Variants in MYLK observed in about 807,000 individuals in gnomAD.
MYLK encodes myosin light chain kinase, smooth muscle.
A neutral mutation model predicts 203.4 loss-of-function variants in MYLK; 106 were observed. That is an observed-to-expected ratio of 0.52 (90% confidence interval 0.45 to 0.61). The LOEUF is 0.61. MYLK is among the 20% of genes least tolerant of loss of function. MYLK has a pLI of 0.00. For synonymous variants in MYLK, 867 were observed against 959.5 expected, an observed-to-expected ratio of 0.90 and a Z score of 1.78; for missense variants, 2,072 against 2,442.3, an observed-to-expected ratio of 0.85 and a Z score of 3.20.
At chr3:123,675,355 A>C (rs2060039769) in intron 20 of MYLK, among the ~76,000 whole-genome samples, 1 of 152,232 alleles carries the variant, frequency 6.6e-6, no homozygotes, top group Non-Finnish European at 1.5e-5. Flanking sequence ...CAGCTGACCC[A>C]AGCCCTAACC....
intron 5 of MYLK, among the ~76,000 whole-genome samples, chr3:123,743,993 G>C (rs2062939035): frequency 6.6e-6 from 1 of 152,206 alleles, no homozygotes; most frequent in South Asian, 2.1e-4. Flanking sequence ...CACCCTACTT[G>C]TAGCCAACTT....
intron 11 of MYLK, among the ~76,000 whole-genome samples, chr3:123,727,511 G>A (rs185703060): frequency 3.2e-4 from 49 of 152,284 alleles, no homozygotes; most frequent in African/African-American, 1.0e-3. Flanking sequence ...TGATTTTCTT[G>A]TAAGATTGTT....
chr3:123,658,156 T>C (rs895094587), intron 23 of MYLK, among the ~76,000 whole-genome samples: 1 of 152,230 alleles, frequency 6.6e-6, no homozygotes, highest in Non-Finnish European at 1.5e-5. Context: ...TTTATATACT[T>C]AAAAATTACT....
At chr3:123,880,319 C>T (rs1420305226) in intron 1 of MYLK, among the ~76,000 whole-genome samples, 2 of 152,112 alleles carry the variant, frequency 1.3e-5, no homozygotes, top group African/African-American at 4.8e-5. Context: ...ATCAGAAATC[C>T]TCATCTCTGA....
At position 123,669,705 on chromosome 3, in the gene MYLK, C is replaced by G. The variant is rs57239124; in HGVS notation, c.3653-2518G>C. 0.027 allele frequency among the ~76,000 whole-genome samples: 4,081 copies of G among 151,624 alleles called. 365 individuals carry two copies. The East Asian group carries it at 0.34, about 13-fold the overall frequency. ...TATATGTGTGGAGAAGTAGAAGGAA[C>G]AGAGAAATGGAAAAAGAGAGGGAGA... On this transcript the variant is annotated intron_variant, in intron 20 of 33. Coordinates refer to ENST00000360304, the MANE Select transcript of MYLK (RefSeq NM_053025.4).
chr3:123,820,620 T>TTCCTTCCC (rs1194938214), intron 3 of MYLK, among the ~76,000 whole-genome samples: 1 of 134,862 alleles, frequency 7.4e-6, no homozygotes, highest in Non-Finnish European at 1.7e-5. Flanking sequence ...ATTTCCTTCC[T>TTCCTTCCC]TCCTTCCTTC....
At chr3:123,840,370 T>TTATATATATATATATA (rs56361020) in intron 2 of MYLK, among the ~76,000 whole-genome samples, 66 of 148,678 alleles carry the variant, frequency 4.4e-4, no homozygotes, top group African/African-American at 1.6e-3. Flanking sequence ...CCTACAGACA[T>TTATATATATATATATA]TATATATATA....
At chr3:123,853,978 G>C (rs149756567) in intron 2 of MYLK, among the ~76,000 whole-genome samples, 73 of 152,048 alleles carry the variant, frequency 4.8e-4, no homozygotes, top group African/African-American at 1.8e-3. Context: ...ACAGTTAAAT[G>C]CTTCTCTCTT....
At chr3:123,850,083 T>C (rs2030577167) in intron 2 of MYLK, among the ~76,000 whole-genome samples, 1 of 152,232 alleles carries the variant, frequency 6.6e-6, no homozygotes. Context: ...TCATCCTTTT[T>C]TATGGCTGCA....
chr3:123,696,544 C>T (rs1413661462), intron 18 of MYLK, among the ~76,000 whole-genome samples: 1 of 152,040 alleles, frequency 6.6e-6, no homozygotes, highest in Non-Finnish European at 1.5e-5. Flanking sequence ...ACCACTGAGA[C>T]CCCAGCCACT....
At chr3:123,690,773 CCCT>C (rs2060629342) in intron 19 of MYLK, among the ~76,000 whole-genome samples, 1 of 152,120 alleles carries the variant, frequency 6.6e-6, no homozygotes, top group Non-Finnish European at 1.5e-5. Flanking sequence ...CAGCTGGGCT[CCCT>C]CCTATCACTT....
Position 123,648,602 on chromosome 3 carries a change from A to G in MYLK, c.4415+369T>C, listed in dbSNP as rs2059103610. Among the ~76,000 whole-genome samples, 1 of 152,172 alleles carries G rather than the reference A, an allele frequency of 6.6e-6. No homozygotes were observed. The highest frequency in any genetic ancestry group is 1.5e-5 in the Non-Finnish European group (1 of 68,040). On this transcript the variant is annotated intron_variant, in intron 26 of 33. Coordinates refer to ENST00000360304, the MANE Select transcript of MYLK (RefSeq NM_053025.4). The surrounding 1 kb of genome is among the most constrained non-coding windows in gnomAD (Gnocchi z 4.5). Reference sequence around the variant, plus strand: ...CATCTAGGTATTAAGCTCAGCATGCATTAGCTCTTCTCCCTAATGTTCTGC... The same window carrying G: ...CATCTAGGTATTAAGCTCAGCATGCGTTAGCTCTTCTCCCTAATGTTCTGC...
At chr3:123,692,983 C>T in intron 18 of MYLK, 132 bp from the exon 19 acceptor site, 1 of 761,056 alleles carries the variant, frequency 1.3e-6, no homozygotes, top group Non-Finnish European at 2.3e-6. Flanking sequence ...TTGTGGGAAC[C>T]AATCCCCCAC....
At chr3:123,831,394 A>G in intron 3 of MYLK, 154 bp downstream of exon 3, 1 of 1,289,512 alleles carries the variant, frequency 7.8e-7, no homozygotes, top group Non-Finnish European at 1.0e-6. Context: ...CTTCACTCTT[A>G]CCTGCTTGGG....
intron 6 of MYLK, 141 bp from the exon 7 acceptor site, chr3:123,739,203 C>T (rs1283034413): frequency 2.1e-6 from 2 of 949,242 alleles, no homozygotes; most frequent in East Asian, 5.2e-5. Context: ...CAGAAACTTT[C>T]TCATGCTCTC....
chr3:123,772,443 G>A (rs2063913614), intron 4 of MYLK, among the ~76,000 whole-genome samples: 2 of 151,886 alleles, frequency 1.3e-5, no homozygotes, highest in Admixed American at 1.3e-4. Flanking sequence ...ATTACACACA[G>A]AAACATCCAT....
At chr3:123,793,572 T>C (rs933932500) in intron 4 of MYLK, 105 bp downstream of exon 4, 57 of 1,319,568 alleles carry the variant, frequency 4.3e-5, no homozygotes, top group African/African-American at 6.0e-5. Flanking sequence ...CAAAAGAAAA[T>C]TGAGCCTTCT....
intron 2 of MYLK, among the ~76,000 whole-genome samples, chr3:123,843,414 T>A (rs545239069): frequency 6.6e-6 from 1 of 152,296 alleles, no homozygotes; most frequent in South Asian, 2.1e-4. Context: ...CATCCAGGTC[T>A]AAGAGCATCC....
At chr3:123,658,825 GTA>G (rs1028459286) in intron 23 of MYLK, among the ~76,000 whole-genome samples, 10 of 152,272 alleles carry the variant, frequency 6.6e-5, no homozygotes, top group African/African-American at 2.2e-4. Flanking sequence ...GTGTATATGA[GTA>G]TATATACTCA....
Sources: allele counts gnomAD v4.1 joint callset (sites outside exome capture counted in the v4.1 genomes callset), GRCh38; gene constraint gnomAD v4.1.1; non-coding constraint Gnocchi (gnomAD v3.1); transcripts MANE v1.5; gene names NCBI Gene and HGNC (gene_info 2026-07-23, HGNC 2026-07-21).